The following OSBPL9 variants were observed in gnomAD, a reference collection of about 807,000 sequenced individuals.
The protein encoded by OSBPL9 is oxysterol binding protein like 9, also known as oxysterol-binding protein-related protein 9.
OSBPL9 carries 40 observed loss-of-function variants against 106.6 expected under a neutral mutation model. The observed-to-expected ratio is 0.38, with a 90% confidence interval of 0.29 to 0.49. The LOEUF (loss-of-function observed/expected upper bound fraction) is 0.49. OSBPL9 is among the 20% of genes least tolerant of loss of function. OSBPL9 has a pLI of 0.97. For synonymous variants in OSBPL9, 269 were observed against 295.4 expected (o/e 0.91, Z 0.92); for missense variants, 609 against 887.2 (o/e 0.69, Z 3.98).
the OSBPL9 span, among the ~76,000 whole-genome samples, chr1:51,553,210 T>C: frequency 6.6e-6 from 1 of 152,130 alleles, no homozygotes; most frequent in Non-Finnish European, 1.5e-5. Flanking sequence ...ACTCATTACC[T>C]TCCTTCTTTC....
intron 15 of OSBPL9, among the ~76,000 whole-genome samples, chr1:51,777,665 A>C (rs1675386333): frequency 6.6e-6 from 1 of 152,198 alleles, no homozygotes; most frequent in Admixed American, 6.5e-5. Context: ...ATTTAAAAGA[A>C]TAACCAATTC....
At chr1:51,749,877 TAAAAAAAAAAAAAAAGA>T (rs1204729825) in intron 7 of OSBPL9, among the ~76,000 whole-genome samples, 1 of 131,500 alleles carries the variant, frequency 7.6e-6, no homozygotes, top group Non-Finnish European at 1.6e-5. Context: ...CCTTGTCTCT[TAAAAAAAAAAAAAAAGA>T]AAAAAAAATT....
the OSBPL9 span, among the ~76,000 whole-genome samples, chr1:51,564,369 T>C: frequency 1.4e-4 from 22 of 152,270 alleles, no homozygotes; most frequent in African/African-American, 5.3e-4. Context: ...CTTATTGTTA[T>C]AATAGGTATT....
At chr1:51,730,069 CCAG>C (rs1664025326) in intron 4 of OSBPL9, 1 of 1,274,822 alleles carries the variant, frequency 7.8e-7, no homozygotes, top group African/African-American at 1.5e-5. Flanking sequence ...GTCCCGGCCG[CCAG>C]GCCGGAGCGC....
the OSBPL9 span, among the ~76,000 whole-genome samples, chr1:51,528,590 A>G: frequency 6.6e-6 from 1 of 151,888 alleles, no homozygotes; most frequent in African/African-American, 2.4e-5. Flanking sequence ...AATCAATTCC[A>G]GCCCAGCACA....
intron 8 of OSBPL9, among the ~76,000 whole-genome samples, chr1:51,755,381 T>C (rs543674834): frequency 1.3e-5 from 2 of 152,360 alleles, no homozygotes; most frequent in Non-Finnish European, 2.9e-5. Context: ...AGCAAATATT[T>C]TCTATATAGA....
intron 3 of OSBPL9, among the ~76,000 whole-genome samples, chr1:51,677,211 C>G (rs903509677): frequency 1.3e-5 from 2 of 152,218 alleles, no homozygotes; most frequent in Non-Finnish European, 2.9e-5. Flanking sequence ...TGGGAATGGG[C>G]CCGCTCTAGT....
At chr1:51,677,470 T>G (rs1261336537) in intron 3 of OSBPL9, among the ~76,000 whole-genome samples, 2 of 152,220 alleles carry the variant, frequency 1.3e-5, no homozygotes, top group African/African-American at 4.8e-5. Flanking sequence ...AAATAAAATT[T>G]TAAAGATAAA....
intron 3 of OSBPL9, among the ~76,000 whole-genome samples, chr1:51,706,951 GAC>G (rs890290350): frequency 6.6e-6 from 1 of 152,126 alleles, no homozygotes; most frequent in Non-Finnish European, 1.5e-5. Context: ...GATGGTACAT[GAC>G]AAGGTGGGGC....
At chr1:51,664,022 T>C (rs368523080) in intron 2 of OSBPL9, among the ~76,000 whole-genome samples, 180 of 152,342 alleles carry the variant, frequency 1.2e-3, no homozygotes, top group African/African-American at 4.2e-3. Context: ...CGTATACCAC[T>C]GATGGGAGTA....
chr1:51,623,834 C>T (rs905305934), intron 1 of OSBPL9, among the ~76,000 whole-genome samples: 10 of 152,124 alleles, frequency 6.6e-5, no homozygotes, highest in Admixed American at 1.3e-4. Flanking sequence ...AGCACCACTC[C>T]CATCAAACAT....
At chr1:51,638,306 T>A (rs1645578496) in intron 1 of OSBPL9, among the ~76,000 whole-genome samples, 1 of 152,208 alleles carries the variant, frequency 6.6e-6, no homozygotes, top group Non-Finnish European at 1.5e-5. Flanking sequence ...AGTCTGTGAC[T>A]ACTCAAGAGT....
chr1:51,758,100 ATAGT>A (rs1421995830), intron 9 of OSBPL9, among the ~76,000 whole-genome samples: 19 of 152,178 alleles, frequency 1.2e-4, no homozygotes, highest in Non-Finnish European at 2.8e-4. Context: ...TAAGTGTAGC[ATAGT>A]TATTTTTTCT....
At chr1:51,618,748 A>G (rs1364076244) in intron 1 of OSBPL9, among the ~76,000 whole-genome samples, 1 of 152,184 alleles carries the variant, frequency 6.6e-6, no homozygotes, top group Admixed American at 6.5e-5. Context: ...GTTATTCATT[A>G]TCTCCATTTA....
chr1:51,697,825 G>GT (rs1656389496), intron 3 of OSBPL9, among the ~76,000 whole-genome samples: 1 of 149,336 alleles, frequency 6.7e-6, no homozygotes, highest in African/African-American at 2.5e-5. Context: ...GTTTTCCTCT[G>GT]TGCACCTTAT....
intron 21 of OSBPL9, 24 bp downstream of exon 21, chr1:51,785,910 T>G: frequency 6.3e-7 from 1 of 1,580,800 alleles, no homozygotes; most frequent in Non-Finnish European, 8.7e-7. Context: ...TTTTGCCACT[T>G]GTTTTAGGCT....
chr1:51,594,205 T>C (rs577386519), intron 1 of OSBPL9, among the ~76,000 whole-genome samples: 1 of 151,990 alleles, frequency 6.6e-6, no homozygotes, highest in African/African-American at 2.4e-5. Flanking sequence ...GAGACAAACC[T>C]GACCAACATG....
intron 3 of OSBPL9, among the ~76,000 whole-genome samples, chr1:51,713,366 T>G (rs1298033135): frequency 6.6e-6 from 1 of 152,018 alleles, no homozygotes; most frequent in Admixed American, 6.5e-5. Flanking sequence ...GCCAGGCTGG[T>G]CTTGAACTCT....
At chr1:51,587,612 G>T (rs1206423533) in intron 1 of OSBPL9, among the ~76,000 whole-genome samples, 1 of 152,136 alleles carries the variant, frequency 6.6e-6, no homozygotes, top group Non-Finnish European at 1.5e-5. Context: ...CCAGGTACAG[G>T]GGTTGTAAAG....
Sources: gnomAD v4.1 joint callset for allele counts (sites outside exome capture counted in the v4.1 genomes callset) on GRCh38, gnomAD v4.1.1 for gene constraint, MANE v1.5 for transcripts, NCBI Gene and HGNC (gene_info 2026-07-23, HGNC 2026-07-21) for gene names.